Variants in ZNRF3 observed in about 807,000 individuals in gnomAD.
ZNRF3 encodes zinc and ring finger 3.
In ZNRF3, 23 loss-of-function variants were observed where a neutral mutation model predicts 72.5. The observed-to-expected ratio is 0.32, with a 90% confidence interval of 0.23 to 0.45. The LOEUF (loss-of-function observed/expected upper bound fraction) is 0.45, where lower values mean the gene tolerates loss of function less well. Among genes scored for constraint, ZNRF3 ranks in the 20% least tolerant of loss-of-function variants. ZNRF3 has a pLI of 1.00. For synonymous variants in ZNRF3, 610 were observed against 545.3 expected, an observed-to-expected ratio of 1.12 and a Z score of -1.65; for missense variants, 1,169 against 1,272.1, an observed-to-expected ratio of 0.92 and a Z score of 1.23.
At chr22:28,941,262 T>C (rs2034942305) in intron 1 of ZNRF3, among the ~76,000 whole-genome samples, 1 of 152,158 alleles carries the variant, frequency 6.6e-6, no homozygotes, top group Non-Finnish European at 1.5e-5. Flanking sequence ...CTGTAAGTCA[T>C]CTGGAGTAGT....
In ZNRF3 at chr22:29,049,017, AC is replaced by A. The variant is rs2037125863; in HGVS notation, c.1016-179del. On this transcript the variant is annotated intron_variant, in intron 7 of 8. Coordinates refer to ENST00000544604, the MANE Select transcript of ZNRF3 (RefSeq NM_001206998.2). The surrounding 1 kb of genome is among the most constrained non-coding windows in gnomAD (Gnocchi z 5.2). ...CCTTACAGGAGATGGGCCATTTCAC[AC>A]AGACAGGCAGGTCAGCCTCTGCCGC... 6.6e-6 allele frequency among the ~76,000 whole-genome samples: 1 copy of A among 152,182 alleles called. No individual in the cohort carries two copies. The highest frequency in any genetic ancestry group is 1.5e-5 in the Non-Finnish European group (1 of 68,030).
chr22:29,049,056 TG>T lies in ZNRF3; in HGVS notation c.1016-136del, dbSNP rs2037127046. On this transcript the variant is annotated intron_variant, in intron 7 of 8. Coordinates refer to ENST00000544604, the MANE Select transcript of ZNRF3 (RefSeq NM_001206998.2). This position sits in a 1 kb window ranked among gnomAD's most constrained non-coding sequence, Gnocchi z 5.2. ...CAGCCTCTGCCGCTGCAGCTCAGTT[TG>T]GGGGCAGGGTTGTGAGAATGGGTAC... 1.0e-6 allele frequency: 1 copy of T among 957,214 alleles called. No individual in the cohort carries two copies. Among genetic ancestry groups the T allele is most frequent in the Non-Finnish European group, 1.6e-6 (1 of 640,758 alleles). 59.3% of individuals were successfully genotyped at this position (957,214 alleles called of 1,614,324 possible). A position where few individuals can be genotyped will look rare whatever the true frequency, so the allele number is the denominator to read the frequency against.
intron 1 of ZNRF3, among the ~76,000 whole-genome samples, chr22:28,902,859 A>G (rs1275382098): frequency 6.6e-6 from 1 of 152,184 alleles, no homozygotes; most frequent in Non-Finnish European, 1.5e-5. Flanking sequence ...CCTCACATAT[A>G]CCTAACGTTT....
chr22:28,964,290 G>C (rs1422837267), intron 1 of ZNRF3, among the ~76,000 whole-genome samples: 1 of 152,190 alleles, frequency 6.6e-6, no homozygotes, highest in Non-Finnish European at 1.5e-5. Context: ...AGTATATTCA[G>C]TGTGGGTCTC....
At chr22:28,991,279 CAAAAAAAAAAAAAAAAAAAA>C (rs59317059) in intron 2 of ZNRF3, among the ~76,000 whole-genome samples, 1 of 51,656 alleles carries the variant, frequency 1.9e-5, no homozygotes, top group Admixed American at 3.2e-4. Context: ...GACCCTCTCT[CAAAAAAAAAAAAAAAAAAAA>C]AAAAAAAAAA....
At chr22:28,985,149 A>T (rs2035833451) in intron 1 of ZNRF3, among the ~76,000 whole-genome samples, 1 of 152,134 alleles carries the variant, frequency 6.6e-6, no homozygotes, top group Non-Finnish European at 1.5e-5. Flanking sequence ...CTGGAGTCCA[A>T]GAATACCACT....
intron 8 of ZNRF3, among the ~76,000 whole-genome samples, chr22:29,052,776 C>G (rs1417790284): frequency 6.6e-6 from 1 of 151,478 alleles, no homozygotes; most frequent in African/African-American, 2.4e-5. Flanking sequence ...GAGCTGGAGA[C>G]CAGCCTGGGG....
chr22:29,011,399 G>T (rs2036344578), intron 2 of ZNRF3, among the ~76,000 whole-genome samples: 1 of 152,232 alleles, frequency 6.6e-6, no homozygotes, highest in Non-Finnish European at 1.5e-5. Flanking sequence ...GGTGTGAATG[G>T]CAAGGAAGTG....
At chr22:29,026,881 A>T (rs2036646103) in intron 2 of ZNRF3, 2 of 152,216 alleles carry the variant, frequency 1.3e-5, no homozygotes, top group Non-Finnish European at 2.9e-5. Context: ...CATCACAAAA[A>T]GCTCAATTGT....
intron 1 of ZNRF3, among the ~76,000 whole-genome samples, chr22:28,945,198 G>C (rs926799389): frequency 6.7e-6 from 1 of 150,106 alleles, no homozygotes; most frequent in Middle Eastern, 3.3e-3. Context: ...TTACAGGTAA[G>C]GATGTTCACT....
intron 2 of ZNRF3, among the ~76,000 whole-genome samples, chr22:29,012,423 G>T (rs2036362362): frequency 6.6e-6 from 1 of 152,200 alleles, no homozygotes; most frequent in Non-Finnish European, 1.5e-5. Context: ...TTTGTTGTGG[G>T]TGCACCATTG....
chr22:28,923,514 C>G (rs774176316), intron 1 of ZNRF3, among the ~76,000 whole-genome samples: 1 of 150,808 alleles, frequency 6.6e-6, no homozygotes, highest in Non-Finnish European at 1.5e-5. Flanking sequence ...CTTTTTTTTT[C>G]AAGCTTTTAT....
intron 1 of ZNRF3, among the ~76,000 whole-genome samples, chr22:28,955,749 T>G (rs2035247400): frequency 6.7e-6 from 1 of 149,880 alleles, no homozygotes; most frequent in Non-Finnish European, 1.5e-5. Flanking sequence ...CGAGACCCTG[T>G]CTCTATTAAA....
intron 1 of ZNRF3, among the ~76,000 whole-genome samples, chr22:28,961,967 T>C (rs1484648044): frequency 2.6e-5 from 4 of 152,224 alleles, no homozygotes; most frequent in Admixed American, 2.6e-4. Context: ...ATCTTCTTGA[T>C]TCAAGCTGGT....
chr22:28,956,009 C>T (rs60003056), intron 1 of ZNRF3, among the ~76,000 whole-genome samples: 2,476 of 152,182 alleles, frequency 0.016, 75 homozygotes, highest in African/African-American at 0.057. Context: ...TGTGGGGGTG[C>T]GGAGGATTAT....
chr22:28,892,643 G>T (rs968465656), intron 1 of ZNRF3, among the ~76,000 whole-genome samples: 1 of 152,174 alleles, frequency 6.6e-6, no homozygotes, highest in African/African-American at 2.4e-5. Flanking sequence ...AATAAGGTCA[G>T]CTGGCCCATT....
At chr22:28,937,962 A>C (rs2034872521) in intron 1 of ZNRF3, among the ~76,000 whole-genome samples, 1 of 152,224 alleles carries the variant, frequency 6.6e-6, no homozygotes. Flanking sequence ...AGTTTCTCTT[A>C]CTGTTAATAT....
At chr22:28,927,534 T>A (rs2034626424) in intron 1 of ZNRF3, among the ~76,000 whole-genome samples, 1 of 152,230 alleles carries the variant, frequency 6.6e-6, no homozygotes, top group Non-Finnish European at 1.5e-5. Flanking sequence ...ATATGAACTA[T>A]TTTCTTTTGC....
At chr22:28,953,920 C>T (rs2035210263) in intron 1 of ZNRF3, among the ~76,000 whole-genome samples, 1 of 152,160 alleles carries the variant, frequency 6.6e-6, no homozygotes, top group South Asian at 2.1e-4. Flanking sequence ...TTGTATGTGA[C>T]ACTGGACAGG....
Sources: gnomAD v4.1 joint callset for allele counts (sites outside exome capture counted in the v4.1 genomes callset) on GRCh38, gnomAD v4.1.1 for gene constraint, Gnocchi (gnomAD v3.1) non-coding constraint, MANE v1.5 for transcripts, NCBI Gene and HGNC (gene_info 2026-07-23, HGNC 2026-07-21) for gene names.